Variants in DDX4 observed in about 807,000 individuals in gnomAD.
DDX4 encodes the protein DEAD-box helicase 4.
DDX4 carries 25 observed loss-of-function variants against 100.0 expected under a neutral mutation model. The ratio of observed to expected loss-of-function variants is 0.25; its 90% confidence interval spans 0.18 to 0.35. DDX4 has a LOEUF of 0.35. Ranked by LOEUF, DDX4 falls within the 10% of genes least tolerant of loss-of-function variation. The pLI is 1.00. For synonymous variants in DDX4, 259 were observed against 275.7 expected (o/e 0.94, Z 0.60); for missense variants, 635 against 882.4 (o/e 0.72, Z 3.55).
intron 4 of DDX4, among the ~76,000 whole-genome samples, chr5:55,761,211 ATTGT>A (rs1303383280): frequency 1.3e-5 from 2 of 152,214 alleles, no homozygotes; most frequent in African/African-American, 2.4e-5. Context: ...ATTAAGATGC[ATTGT>A]TTATTTGGAC....
At chr5:55,762,390 A>T (rs1740619383) in intron 4 of DDX4, among the ~76,000 whole-genome samples, 1 of 152,152 alleles carries the variant, frequency 6.6e-6, no homozygotes, top group Non-Finnish European at 1.5e-5. Context: ...AAAGGTACAG[A>T]TAGTATGCTG....
chr5:55,765,040 C>T (rs963517200), intron 6 of DDX4, among the ~76,000 whole-genome samples: 2 of 152,088 alleles, frequency 1.3e-5, no homozygotes, highest in African/African-American at 4.8e-5. Context: ...ACTGTTTCTC[C>T]AAACTATTGC....
chr5:55,748,650 A>G (rs1561480427), intron 3 of DDX4, among the ~76,000 whole-genome samples: 1 of 151,988 alleles, frequency 6.6e-6, no homozygotes, highest in Non-Finnish European at 1.5e-5. Context: ...TTATTTTTTT[A>G]TGAAAATTTT....
intron 17 of DDX4, 80 bp downstream of exon 17, chr5:55,792,887 A>G: frequency 2.3e-6 from 2 of 853,644 alleles, no homozygotes; most frequent in East Asian, 4.0e-5. Context: ...TGAATATCCT[A>G]TTTTTAGAGA....
chr5:55,768,699 G>A (rs1315929235), intron 7 of DDX4, among the ~76,000 whole-genome samples: 1 of 152,068 alleles, frequency 6.6e-6, no homozygotes, highest in African/African-American at 2.4e-5. Flanking sequence ...TTGAGAAATC[G>A]CCACACTGTT....
intron 2 of DDX4, among the ~76,000 whole-genome samples, chr5:55,742,658 T>G (rs982371863): frequency 6.6e-5 from 10 of 152,318 alleles, no homozygotes; most frequent in African/African-American, 2.4e-4. Flanking sequence ...GTTTGAGAGA[T>G]AATAATGGTT....
At chr5:55,796,983 T>C (rs112450023) in intron 17 of DDX4, among the ~76,000 whole-genome samples, 9 of 152,008 alleles carry the variant, frequency 5.9e-5, no homozygotes, top group African/African-American at 1.7e-4. Context: ...TAGCTGGAAC[T>C]ACAGGCATGC....
intron 6 of DDX4, among the ~76,000 whole-genome samples, chr5:55,767,648 A>G (rs1741006844): frequency 6.6e-6 from 1 of 152,136 alleles, no homozygotes; most frequent in Non-Finnish European, 1.5e-5. Flanking sequence ...TAGGTTCTCA[A>G]TTTCATATAA....
intron 3 of DDX4, among the ~76,000 whole-genome samples, chr5:55,755,888 C>A (rs1216133876): frequency 6.6e-6 from 1 of 152,118 alleles, no homozygotes; most frequent in Admixed American, 6.6e-5. Flanking sequence ...TTGAAGCCTT[C>A]CTTTTTCTTC....
intron 18 of DDX4, among the ~76,000 whole-genome samples, chr5:55,799,561 G>A (rs986792279): frequency 6.6e-6 from 1 of 152,038 alleles, no homozygotes; most frequent in Non-Finnish European, 1.5e-5. Flanking sequence ...TTTTTGTAGA[G>A]ATGGGGTTTT....
chr5:55,785,297 G>T lies in DDX4; in HGVS notation c.626G>T (p.Gly209Val), dbSNP rs773179185. 31 of 1,590,886 alleles carry T rather than the reference G, an allele frequency of 1.9e-5. No individual in the cohort carries two copies. The highest frequency in any genetic ancestry group is 2.6e-5 in the Non-Finnish European group (30 of 1,160,092). ...TGTCACTTATGAATTTCTTTAATAGGTGGTTACAAAGGTTTAAATGAAGAA... is the reference window on the plus strand; with the variant it reads ...TGTCACTTATGAATTTCTTTAATAGTTGGTTACAAAGGTTTAAATGAAGAA... ...QSRSGSGSER[G>V]GYKGLNEEVI... Residue 209 changes from glycine (G) to valine (V), a missense_variant and splice_region_variant, in exon 11 of 22, where the codon GGT becomes GTT. Gly to Val is a moderately radical substitution (Grantham distance 109). Around this residue, in one of 4 missense-constraint regions of DDX4, gnomAD observed 446 missense variants for 540.8 expected, o/e 0.82. Transcript: ENST00000505374.
chr5:55,782,058 G>C, intron 10 of DDX4, 77 bp downstream of exon 10: 1 of 1,520,000 alleles, frequency 6.6e-7, no homozygotes, highest in Non-Finnish European at 9.0e-7. Flanking sequence ...GTACTTCACT[G>C]GTTGGAAACA....
chr5:55,779,957 A>T lies in DDX4; in HGVS notation c.395-7A>T. 1 of 1,613,142 alleles carries T rather than the reference A, an allele frequency of 6.2e-7. No homozygotes were observed. Among genetic ancestry groups the T allele is most frequent in the Non-Finnish European group, 8.5e-7 (1 of 1,179,620 alleles). On this transcript the variant is annotated splice_region_variant and splice_polypyrimidine_tract_variant and intron_variant, in intron 7 of 21. Coordinates refer to ENST00000505374, the MANE Select transcript of DDX4 (RefSeq NM_024415.3). ...GTGTTGTTCTTGTGTGTGTTTTAACATTATAGGCTATCGAGATGGAAATAA... is the reference window on the plus strand; with the variant it reads ...GTGTTGTTCTTGTGTGTGTTTTAACTTTATAGGCTATCGAGATGGAAATAA...
intron 18 of DDX4, among the ~76,000 whole-genome samples, chr5:55,812,697 A>G (rs1355862108): frequency 1.3e-5 from 2 of 152,172 alleles, no homozygotes; most frequent in Non-Finnish European, 2.9e-5. Context: ...TATCTTTACT[A>G]AGATACCATC....
intron 7 of DDX4, among the ~76,000 whole-genome samples, chr5:55,776,454 A>T (rs951483480): frequency 5.9e-5 from 9 of 152,348 alleles, no homozygotes; most frequent in Admixed American, 2.0e-4. Context: ...AAATAAAATT[A>T]AAAAATTCAT....
chr5:55,788,111 TTAAAG>T (rs1407058832), intron 15 of DDX4, 111 bp downstream of exon 15: 4 of 908,094 alleles, frequency 4.4e-6, no homozygotes, highest in Non-Finnish European at 6.4e-6. Context: ...TTAGCATTAC[TTAAAG>T]TATTTTTTTA....
intron 17 of DDX4, among the ~76,000 whole-genome samples, chr5:55,796,286 G>A (rs1232331177): frequency 6.6e-6 from 1 of 152,140 alleles, no homozygotes; most frequent in Admixed American, 6.5e-5. Context: ...ATGTTTCACT[G>A]GCCATCTAGG....
At chr5:55,794,906 C>T (rs1404235087) in intron 17 of DDX4, among the ~76,000 whole-genome samples, 1 of 151,922 alleles carries the variant, frequency 6.6e-6, no homozygotes. Context: ...CTACTTATAC[C>T]TGTAACTCTC....
At chr5:55,776,443 C>T (rs1457863734) in intron 7 of DDX4, among the ~76,000 whole-genome samples, 1 of 151,964 alleles carries the variant, frequency 6.6e-6, no homozygotes, top group African/African-American at 2.4e-5. Flanking sequence ...GAGTCCTCAG[C>T]AAATAAAATT....
Sources: allele counts gnomAD v4.1 joint callset (sites outside exome capture counted in the v4.1 genomes callset), GRCh38; gene constraint gnomAD v4.1.1; regional missense constraint gnomAD v4.1.1; transcripts MANE v1.5; gene names NCBI Gene and HGNC (gene_info 2026-07-23, HGNC 2026-07-21).